Variants in VAV3 observed in about 807,000 individuals in gnomAD.
VAV3 encodes the protein guanine nucleotide exchange factor VAV3.
VAV3 carries 94 observed loss-of-function variants against 131.2 expected under a neutral mutation model. The ratio of observed to expected loss-of-function variants is 0.72; its 90% CI spans 0.61 to 0.85. The LOEUF is 0.85. Ranked by LOEUF, VAV3 falls within the 40% of genes least tolerant of loss-of-function variation. The probability of loss-of-function intolerance (pLI) is 0.00; values close to 1 mark genes in which losing one functional copy is unlikely to be tolerated. For missense variants in VAV3, 939 were observed against 1,002.7 expected (o/e 0.94, Z 0.86); for synonymous variants, 349 against 342.0 (o/e 1.02, Z -0.22).
chr1:107,738,839 A>G (rs1430718340), intron 15 of VAV3, among the ~76,000 whole-genome samples: 2 of 152,122 alleles, frequency 1.3e-5, no homozygotes, highest in Non-Finnish European at 2.9e-5. Flanking sequence ...TACAACAAAC[A>G]ACTCCAAAAC....
chr1:107,574,500 TA>T (rs1162332385), intron 25 of VAV3, among the ~76,000 whole-genome samples: 1 of 152,090 alleles, frequency 6.6e-6, no homozygotes, highest in Non-Finnish European at 1.5e-5. Context: ...AAAAACAAAT[TA>T]AAAAAACTCG....
At chr1:107,612,143 T>C (rs113419258) in intron 21 of VAV3, among the ~76,000 whole-genome samples, 6,569 of 127,288 alleles carry the variant, frequency 0.052, 195 homozygotes, top group Middle Eastern at 0.11. Context: ...TATATATATA[T>C]ACACACACAC....
intron 3 of VAV3, 146 bp downstream of exon 3, chr1:107,779,288 C>CGT: frequency 1.9e-6 from 1 of 534,722 alleles, no homozygotes; most frequent in East Asian, 3.6e-5. Context: ...TAATTTCAAA[C>CGT]GTGTACGGGA....
chr1:107,758,373 C>A (rs1246090143), intron 10 of VAV3, among the ~76,000 whole-genome samples: 1 of 152,026 alleles, frequency 6.6e-6, no homozygotes, highest in East Asian at 1.9e-4. Flanking sequence ...AATTTGAGAT[C>A]AGCCTGGGCA....
chr1:107,695,041 C>T (rs929558683), intron 17 of VAV3, among the ~76,000 whole-genome samples: 1 of 151,730 alleles, frequency 6.6e-6, no homozygotes, highest in Non-Finnish European at 1.5e-5. Flanking sequence ...GTTTACTAAA[C>T]AGAAAAGGGA....
chr1:107,829,927 T>A (rs1444361562), intron 2 of VAV3, among the ~76,000 whole-genome samples: 2 of 152,168 alleles, frequency 1.3e-5, no homozygotes, highest in African/African-American at 4.8e-5. Flanking sequence ...TATCTGCTAT[T>A]TTACTCAGTA....
chr1:107,815,485 C>G (rs1667525779), intron 2 of VAV3, among the ~76,000 whole-genome samples: 1 of 152,170 alleles, frequency 6.6e-6, no homozygotes, highest in Admixed American at 6.5e-5. Flanking sequence ...CGCACTGTTC[C>G]AGGCTGCCTG....
rs186314110 is a variant in VAV3, at chr1:107,587,554, T to C, written c.2350+8658A>G. Among the ~76,000 whole-genome samples the C allele has an allele frequency of 2.2e-3, 340 of 152,276 alleles. 1 individual carries two copies. Among genetic ancestry groups the C allele is most frequent in the Non-Finnish European group, 3.0e-3 (207 of 68,010 alleles). On this transcript the variant is annotated intron_variant, in intron 25 of 26. Coordinates refer to ENST00000370056, the MANE Select transcript of VAV3 (RefSeq NM_006113.5). ...ATTAACTGCATTGAGACCAGTTATG[T>C]ATGTATGTTTGTATGTATGTATGTA... is the stretch of plus-strand genomic sequence containing the variant.
intron 19 of VAV3, among the ~76,000 whole-genome samples, chr1:107,659,650 T>TA (rs1200611166): frequency 1.3e-5 from 2 of 152,206 alleles, no homozygotes; most frequent in African/African-American, 4.8e-5. Context: ...TATCCCGATT[T>TA]AGTCATATTT....
At chr1:107,607,642 C>G (rs759506942) in intron 22 of VAV3, among the ~76,000 whole-genome samples, 6 of 152,150 alleles carry the variant, frequency 3.9e-5, no homozygotes, top group Admixed American at 1.3e-4. Flanking sequence ...AGGCAGGGAC[C>G]CTGACATCTA....
At chr1:107,907,658 C>T (rs867679446) in intron 1 of VAV3, among the ~76,000 whole-genome samples, 1 of 151,670 alleles carries the variant, frequency 6.6e-6, no homozygotes, top group Non-Finnish European at 1.5e-5. Flanking sequence ...CGTGTGCGTG[C>T]GTTCTCTCTC....
chr1:107,912,187 CT>C (rs1307294314), intron 1 of VAV3, among the ~76,000 whole-genome samples: 1 of 152,146 alleles, frequency 6.6e-6, no homozygotes, highest in African/African-American at 2.4e-5. Context: ...ACAAAAATCT[CT>C]TTCTGACACA....
chr1:107,699,528 C>A (rs1048388112), intron 17 of VAV3, among the ~76,000 whole-genome samples: 1 of 152,174 alleles, frequency 6.6e-6, no homozygotes, highest in Non-Finnish European at 1.5e-5. Flanking sequence ...TCTGGAGGAC[C>A]GTGGCCCTCT....
chr1:107,728,888 G>A (rs1053989346), intron 15 of VAV3, among the ~76,000 whole-genome samples: 2 of 152,144 alleles, frequency 1.3e-5, no homozygotes, highest in African/African-American at 2.4e-5. Flanking sequence ...GAAGGATTCA[G>A]AATAGTTTTA....
chr1:107,895,625 T>C (rs72983428), intron 1 of VAV3, among the ~76,000 whole-genome samples: 1 of 152,166 alleles, frequency 6.6e-6, no homozygotes, highest in African/African-American at 2.4e-5. Flanking sequence ...CACCTCACTA[T>C]GCCTTTAGAC....
At chr1:107,738,144 G>T (rs1328474319) in intron 15 of VAV3, among the ~76,000 whole-genome samples, 1 of 152,170 alleles carries the variant, frequency 6.6e-6, no homozygotes, top group African/African-American at 2.4e-5. Flanking sequence ...TCATAGGTGG[G>T]AATTGAACAA....
At chr1:107,598,824 G>A (rs201579552) in intron 24 of VAV3, among the ~76,000 whole-genome samples, 3 of 87,306 alleles carry the variant, frequency 3.4e-5, no homozygotes, top group Non-Finnish European at 5.4e-5. Flanking sequence ...ACACACACAC[G>A]TATACATAAT....
intron 10 of VAV3, among the ~76,000 whole-genome samples, chr1:107,759,334 ACT>A (rs1664289662): frequency 6.6e-6 from 1 of 152,222 alleles, no homozygotes; most frequent in South Asian, 2.1e-4. Context: ...CTTAAAAGTT[ACT>A]TTTACTTCAT....
intron 25 of VAV3, among the ~76,000 whole-genome samples, chr1:107,583,996 A>C (rs1288966213): frequency 6.6e-6 from 1 of 152,166 alleles, no homozygotes; most frequent in Non-Finnish European, 1.5e-5. Flanking sequence ...ATGCTACCTG[A>C]CTTCAAACTA....
Sources: allele counts gnomAD v4.1 joint callset (sites outside exome capture counted in the v4.1 genomes callset), GRCh38; gene constraint gnomAD v4.1.1; transcripts MANE v1.5; gene names NCBI Gene and HGNC (gene_info 2026-07-23, HGNC 2026-07-21).